TAFA1: variants seen among roughly 807,000 people sequenced by gnomAD.
The protein encoded by TAFA1 is chemokine-like protein TAFA-1.
Under a neutral mutation model 18.5 loss-of-function variants are expected in TAFA1, and 4 were observed. That is an observed-to-expected ratio of 0.22 (90% CI 0.11 to 0.49). TAFA1 has a LOEUF of 0.49. TAFA1 is among the 20% of genes least tolerant of loss of function. The probability of loss-of-function intolerance (pLI) is 0.98; values close to 1 mark genes in which losing one functional copy is unlikely to be tolerated. For synonymous variants in TAFA1, 56 were observed against 55.2 expected (o/e 1.01, Z -0.06); for missense variants, 147 against 169.0 (o/e 0.87, Z 0.72).
chr3:68,367,470 C>T (rs779568652), intron 2 of TAFA1, among the ~76,000 whole-genome samples: 8 of 152,170 alleles, frequency 5.3e-5, no homozygotes, highest in Non-Finnish European at 1.0e-4. Context: ...TGTCCATCAG[C>T]GGTCACATAC....
chr3:68,501,231 C>G (rs560678631), intron 3 of TAFA1, among the ~76,000 whole-genome samples: 1 of 147,188 alleles, frequency 6.8e-6, no homozygotes, highest in South Asian at 2.2e-4. Flanking sequence ...AAACTTAGAT[C>G]TTTTTACTCT....
chr3:68,509,949 C>T (rs1490146218), intron 3 of TAFA1, among the ~76,000 whole-genome samples: 1 of 152,088 alleles, frequency 6.6e-6, no homozygotes, highest in African/African-American at 2.4e-5. Context: ...CCTCTTGACT[C>T]AAGCTAAGAA....
At chr3:68,525,022 A>G (rs1406439158) in intron 3 of TAFA1, among the ~76,000 whole-genome samples, 1 of 152,146 alleles carries the variant, frequency 6.6e-6, no homozygotes, top group African/African-American at 2.4e-5. Context: ...TCGACTTTCA[A>G]TTTAGCTAAA....
At chr3:68,044,623 A>T (rs1173353284) in intron 2 of TAFA1, among the ~76,000 whole-genome samples, 1 of 152,222 alleles carries the variant, frequency 6.6e-6, no homozygotes, top group Non-Finnish European at 1.5e-5. Context: ...ATCTTCTTAC[A>T]TTGATATATT....
chr3:68,035,550 T>C (rs902323512), intron 2 of TAFA1, among the ~76,000 whole-genome samples: 5 of 152,108 alleles, frequency 3.3e-5, no homozygotes, highest in African/African-American at 9.7e-5. Flanking sequence ...TTCCTGACAA[T>C]GCCAAGTGCT....
intron 2 of TAFA1, among the ~76,000 whole-genome samples, chr3:68,413,964 C>T (rs760890532): frequency 3.9e-4 from 59 of 151,962 alleles, no homozygotes; most frequent in Non-Finnish European, 6.5e-4. Flanking sequence ...ATGCAGTAAC[C>T]GTCAAAGTGA....
intron 2 of TAFA1, among the ~76,000 whole-genome samples, chr3:68,322,734 G>A (rs1207559171): frequency 6.6e-6 from 1 of 152,112 alleles, no homozygotes; most frequent in Non-Finnish European, 1.5e-5. Context: ...CTTGAGCTCA[G>A]GACTTCAAGA....
intron 3 of TAFA1, among the ~76,000 whole-genome samples, chr3:68,442,958 A>G (rs554633933): frequency 1.3e-5 from 2 of 152,242 alleles, no homozygotes; most frequent in South Asian, 4.1e-4. Context: ...TTCACATAAA[A>G]ATTGATTCAG....
At chr3:68,090,768 G>T (rs2065021757) in intron 2 of TAFA1, among the ~76,000 whole-genome samples, 2 of 152,158 alleles carry the variant, frequency 1.3e-5, no homozygotes, top group Non-Finnish European at 2.9e-5. Context: ...CAATTAATCT[G>T]CCCAGCTGAG....
At chr3:68,120,243 TTCTTTCTTTCTTTCTTTC>T (rs2065381596) in intron 2 of TAFA1, among the ~76,000 whole-genome samples, 5 of 132,452 alleles carry the variant, frequency 3.8e-5, no homozygotes, top group African/African-American at 1.5e-4. Flanking sequence ...CTTTCTTTCT[TTCTTTCTTTCTTTCTTTC>T]TTTTTTGAGA....
chr3:68,455,113 G>A (rs951001312), intron 3 of TAFA1, among the ~76,000 whole-genome samples: 2 of 152,052 alleles, frequency 1.3e-5, no homozygotes, highest in African/African-American at 2.4e-5. Flanking sequence ...TATTATTAAA[G>A]TCATAAGAAA....
chr3:68,007,138 A>G (rs1575570136), intron 2 of TAFA1, among the ~76,000 whole-genome samples: 1 of 152,226 alleles, frequency 6.6e-6, no homozygotes, highest in Non-Finnish European at 1.5e-5. Context: ...ATAGTCCCCA[A>G]ACTAACTTTG....
chr3:67,996,095 G>A, the TAFA1 span, among the ~76,000 whole-genome samples: 1 of 152,176 alleles, frequency 6.6e-6, no homozygotes, highest in South Asian at 2.1e-4. Context: ...GGTTTGGAGT[G>A]TATGAAGCAG....
intron 2 of TAFA1, among the ~76,000 whole-genome samples, chr3:68,198,409 TA>T (rs1240787228): frequency 6.6e-6 from 1 of 151,612 alleles, no homozygotes. Flanking sequence ...TAGTGAATCT[TA>T]TGGTGAGAGT....
chr3:68,073,960 C>T (rs1054228948), intron 2 of TAFA1, among the ~76,000 whole-genome samples: 1 of 152,060 alleles, frequency 6.6e-6, no homozygotes, highest in African/African-American at 2.4e-5. Context: ...TTATTGTGCA[C>T]TTTATGTCTA....
chr3:68,456,272 T>A (rs2071664510), intron 3 of TAFA1, among the ~76,000 whole-genome samples: 1 of 152,178 alleles, frequency 6.6e-6, no homozygotes, highest in Non-Finnish European at 1.5e-5. Context: ...AAAACCCAAC[T>A]GCATTTGCGC....
At chr3:68,354,080 C>T (rs548892088) in intron 2 of TAFA1, among the ~76,000 whole-genome samples, 4 of 151,780 alleles carry the variant, frequency 2.6e-5, no homozygotes, top group South Asian at 2.1e-4. Context: ...TAGGGGTTTT[C>T]GTTCATTTTT....
At chr3:67,999,817 C>T (rs1324774142), upstream of TAFA1, among the ~76,000 whole-genome samples, 3 of 146,328 alleles carry the variant, frequency 2.1e-5, no homozygotes, top group Middle Eastern at 3.5e-3. Flanking sequence ...TTTTTGAGAT[C>T]GAGTTTCTCA....
chr3:68,510,852 A>C (rs764809482), intron 3 of TAFA1, among the ~76,000 whole-genome samples: 8 of 152,176 alleles, frequency 5.3e-5, no homozygotes, highest in Non-Finnish European at 1.2e-4. Context: ...GGTTCTGCAA[A>C]AAAATGTAAC....
Sources: allele counts gnomAD v4.1 joint callset (sites outside exome capture counted in the v4.1 genomes callset), GRCh38; gene constraint gnomAD v4.1.1; transcripts MANE v1.5; gene names NCBI Gene and HGNC (gene_info 2026-07-23, HGNC 2026-07-21).